The following GRIK4 variants were observed in gnomAD, a reference collection of about 807,000 sequenced individuals.
GRIK4 encodes glutamate ionotropic receptor kainate type subunit 4, also known as glutamate receptor ionotropic, kainate 4.
In GRIK4, 40 loss-of-function variants were observed where a neutral mutation model predicts 104.9. That is an observed-to-expected ratio of 0.38 (90% confidence interval 0.30 to 0.50). The LOEUF is 0.50. Ranked by LOEUF, GRIK4 falls within the 20% of genes least tolerant of loss-of-function variation. GRIK4 has a pLI of 0.93. For missense variants in GRIK4, 1,047 were observed against 1,308.1 expected (o/e 0.80, Z 3.08); for synonymous variants, 485 against 524.9 (o/e 0.92, Z 1.04).
chr11:120,801,610 T>C (rs1356963980), intron 3 of GRIK4, among the ~76,000 whole-genome samples: 1 of 152,256 alleles, frequency 6.6e-6, no homozygotes, highest in Non-Finnish European at 1.5e-5. Context: ...AATATTCCAT[T>C]GTATGGGTAA....
At chr11:120,964,148 C>G (rs1456001165) in intron 18 of GRIK4, among the ~76,000 whole-genome samples, 1 of 152,030 alleles carries the variant, frequency 6.6e-6, no homozygotes, top group South Asian at 2.1e-4. Context: ...TGCACTACCA[C>G]ACCCAGCTAA....
At chr11:120,954,137 C>T (rs1004022651) in intron 15 of GRIK4, among the ~76,000 whole-genome samples, 3 of 152,054 alleles carry the variant, frequency 2.0e-5, no homozygotes, top group African/African-American at 7.2e-5. Flanking sequence ...CCACGGGCTA[C>T]CTAACCCCTG....
intron 3 of GRIK4, among the ~76,000 whole-genome samples, chr11:120,730,453 C>T (rs1951108486): frequency 6.6e-6 from 1 of 152,066 alleles, no homozygotes; most frequent in South Asian, 2.1e-4. Context: ...GTTTTTATGC[C>T]AATACAATGA....
At chr11:120,616,323 C>T (rs1949113614) in intron 1 of GRIK4, among the ~76,000 whole-genome samples, 1 of 152,144 alleles carries the variant, frequency 6.6e-6, no homozygotes, top group African/African-American at 2.4e-5. Context: ...AATCCCTTTA[C>T]TAAGAGATCC....
intron 3 of GRIK4, among the ~76,000 whole-genome samples, chr11:120,731,302 T>C (rs1951125151): frequency 6.6e-6 from 1 of 152,050 alleles, no homozygotes; most frequent in South Asian, 2.1e-4. Context: ...TTTTATCAAA[T>C]GCTTTTCAGC....
At chr11:120,593,719 T>C (rs1390349220) in intron 1 of GRIK4, among the ~76,000 whole-genome samples, 38 of 152,212 alleles carry the variant, frequency 2.5e-4, no homozygotes, top group Non-Finnish European at 2.9e-5. Flanking sequence ...TCTATCTATC[T>C]ACTTGACTTT....
intron 11 of GRIK4, among the ~76,000 whole-genome samples, chr11:120,886,947 G>C (rs1207525018): frequency 6.6e-6 from 1 of 152,198 alleles, no homozygotes; most frequent in African/African-American, 2.4e-5. Flanking sequence ...CTAATTGGCT[G>C]CTTGGATTCT....
chr11:120,977,297 A>G lies in GRIK4; in HGVS notation c.2396-4809A>G, dbSNP rs11218091. Reference sequence around the variant, plus strand: ...ATGGTTTATGTGTGGTCCCATCTGAAGAAGGGAAGGAAAGACATGACTAGA... The same window carrying G: ...ATGGTTTATGTGTGGTCCCATCTGAGGAAGGGAAGGAAAGACATGACTAGA... On this transcript the variant is annotated intron_variant, in intron 19 of 20. Transcript: ENST00000527524. 8.0e-3 allele frequency among the ~76,000 whole-genome samples: 1,213 copies of G among 152,276 alleles called. 8 individuals are homozygous for G. Among genetic ancestry groups the G allele is most frequent in the African/African-American group, 0.015 (603 of 41,554 alleles).
At chr11:120,659,294 G>A (rs1949772813) in intron 2 of GRIK4, among the ~76,000 whole-genome samples, 1 of 152,156 alleles carries the variant, frequency 6.6e-6, no homozygotes, top group African/African-American at 2.4e-5. Flanking sequence ...GGTGGGGCTG[G>A]TTTTCAGCGG....
chr11:120,659,913 G>A (rs1949782522), intron 2 of GRIK4, among the ~76,000 whole-genome samples: 1 of 152,184 alleles, frequency 6.6e-6, no homozygotes, highest in African/African-American at 2.4e-5. Flanking sequence ...TGTATTTTTA[G>A]TAGAGACGGG....
At chr11:120,528,683 A>G (rs908542295) in intron 1 of GRIK4, among the ~76,000 whole-genome samples, 4 of 152,196 alleles carry the variant, frequency 2.6e-5, no homozygotes, top group Admixed American at 2.0e-4. Flanking sequence ...GGAGCAAGTC[A>G]CATCTTACAT....
intron 3 of GRIK4, among the ~76,000 whole-genome samples, chr11:120,744,115 G>A (rs1951390335): frequency 6.6e-6 from 1 of 152,146 alleles, no homozygotes; most frequent in Non-Finnish European, 1.5e-5. Flanking sequence ...AGTGCAAAGC[G>A]CTTTGCAGTG....
intron 12 of GRIK4, 85 bp downstream of exon 12, chr11:120,898,724 GA>G: frequency 2.7e-6 from 2 of 748,474 alleles, no homozygotes; most frequent in Non-Finnish European, 4.8e-6. Flanking sequence ...CCCTTGAACA[GA>G]AGATGGGAGC....
chr11:120,627,724 G>A (rs936670143), intron 1 of GRIK4, among the ~76,000 whole-genome samples: 2 of 152,000 alleles, frequency 1.3e-5, no homozygotes, highest in Non-Finnish European at 2.9e-5. Context: ...CTGGACCTCT[G>A]CACGAGGGCC....
intron 11 of GRIK4, among the ~76,000 whole-genome samples, chr11:120,881,635 T>C (rs1440160463): frequency 6.6e-6 from 1 of 152,212 alleles, no homozygotes; most frequent in Admixed American, 6.5e-5. Context: ...GTGTCATCTT[T>C]AGAAGGCTCA....
intron 1 of GRIK4, among the ~76,000 whole-genome samples, chr11:120,614,150 T>TGTAG (rs759972752): frequency 2.0e-4 from 30 of 152,242 alleles, no homozygotes; most frequent in Non-Finnish European, 4.0e-4. Context: ...CTGCCCCCCA[T>TGTAG]GTAGGCGTGG....
At chr11:120,637,872 A>G (rs1051397680) in intron 1 of GRIK4, among the ~76,000 whole-genome samples, 4 of 151,788 alleles carry the variant, frequency 2.6e-5, no homozygotes, top group Non-Finnish European at 2.9e-5. Flanking sequence ...CAGCTTATGC[A>G]TATGTTTATT....
chr11:120,552,973 G>A (rs187273707), intron 1 of GRIK4, among the ~76,000 whole-genome samples: 28 of 150,794 alleles, frequency 1.9e-4, no homozygotes, highest in African/African-American at 5.4e-4. Flanking sequence ...GCATTACAGC[G>A]TGGGGGACAG....
chr11:120,890,782 C>T (rs190233108), intron 11 of GRIK4, among the ~76,000 whole-genome samples: 2 of 152,260 alleles, frequency 1.3e-5, no homozygotes, highest in East Asian at 3.9e-4. Context: ...AGGAGATTTA[C>T]GTAAGCAGAG....
Sources: gnomAD v4.1 joint callset for allele counts (sites outside exome capture counted in the v4.1 genomes callset) on GRCh38, gnomAD v4.1.1 for gene constraint, MANE v1.5 for transcripts, NCBI Gene and HGNC (gene_info 2026-07-23, HGNC 2026-07-21) for gene names.